The following NSMCE2 variants were observed in gnomAD, a reference collection of about 807,000 sequenced individuals.
NSMCE2 encodes E3 SUMO-protein ligase NSE2.
Under a neutral mutation model 23.8 loss-of-function variants are expected in NSMCE2, and 24 were observed. The ratio of observed to expected loss-of-function variants is 1.01; its 90% confidence interval spans 0.73 to 1.42. The LOEUF is 1.42. NSMCE2 is among the 40% of genes most tolerant of loss of function. NSMCE2 has a pLI of 0.00. For synonymous variants in NSMCE2, 92 were observed against 94.1 expected (o/e 0.98, Z 0.13); for missense variants, 284 against 296.5 (o/e 0.96, Z 0.31).
chr8:125,222,273 A>G (rs1037618647), intron 5 of NSMCE2, among the ~76,000 whole-genome samples: 1 of 152,158 alleles, frequency 6.6e-6, no homozygotes, highest in Non-Finnish European at 1.5e-5. Context: ...ATATATATTT[A>G]TGGAATACAG....
intron 3 of NSMCE2, among the ~76,000 whole-genome samples, chr8:125,131,883 A>G (rs1819790543): frequency 6.6e-6 from 1 of 152,164 alleles, no homozygotes; most frequent in East Asian, 1.9e-4. Flanking sequence ...TGTGTTTACT[A>G]ACTTGAATTG....
chr8:125,241,166 G>C, intron 5 of NSMCE2, among the ~76,000 whole-genome samples: 1 of 152,152 alleles, frequency 6.6e-6, no homozygotes, highest in East Asian at 1.9e-4. Context: ...AAAAAGCTTT[G>C]AATTTTATGG....
intron 5 of NSMCE2, among the ~76,000 whole-genome samples, chr8:125,250,354 T>C: frequency 6.6e-6 from 1 of 152,170 alleles, no homozygotes; most frequent in East Asian, 1.9e-4. Flanking sequence ...CATCCTTTCA[T>C]CCACCCAGAT....
intron 4 of NSMCE2, among the ~76,000 whole-genome samples, chr8:125,153,346 A>G (rs1422249901): frequency 6.6e-6 from 1 of 152,118 alleles, no homozygotes; most frequent in Non-Finnish European, 1.5e-5. Flanking sequence ...AAACATAGTT[A>G]TTTTTCTTTT....
At chr8:125,141,942 G>A (rs1393612266) in intron 3 of NSMCE2, among the ~76,000 whole-genome samples, 1 of 152,118 alleles carries the variant, frequency 6.6e-6, no homozygotes, top group African/African-American at 2.4e-5. Context: ...CTTGGGGGAG[G>A]GGTATGGTGT....
chr8:125,099,602 T>C (rs1563648784), intron 1 of NSMCE2, among the ~76,000 whole-genome samples: 1 of 152,072 alleles, frequency 6.6e-6, no homozygotes, highest in Non-Finnish European at 1.5e-5. Context: ...TGATTAACTG[T>C]GTTGCATACT....
chr8:125,312,833 G>C (rs981579095), intron 5 of NSMCE2, among the ~76,000 whole-genome samples: 4 of 152,050 alleles, frequency 2.6e-5, no homozygotes, highest in African/African-American at 9.7e-5. Flanking sequence ...TAAAGAGTAC[G>C]GGGCCGGTTG....
At chr8:125,126,696 G>A (rs1051628865) in intron 3 of NSMCE2, among the ~76,000 whole-genome samples, 8 of 152,112 alleles carry the variant, frequency 5.3e-5, no homozygotes, top group East Asian at 1.9e-4. Context: ...GAATCAGGTC[G>A]CTAGGTTCAA....
At chr8:125,135,915 A>T (rs1022685297) in intron 3 of NSMCE2, among the ~76,000 whole-genome samples, 2 of 152,002 alleles carry the variant, frequency 1.3e-5, no homozygotes, top group African/African-American at 4.8e-5. Context: ...TGAATTTTAG[A>T]CTTGGCTTGT....
intron 5 of NSMCE2, among the ~76,000 whole-genome samples, chr8:125,195,602 C>T (rs1445990479): frequency 6.6e-6 from 1 of 152,134 alleles, no homozygotes; most frequent in East Asian, 1.9e-4. Flanking sequence ...AGCATTCATT[C>T]ATTCAACAGA....
chr8:125,192,329 G>GT (rs34715537), intron 5 of NSMCE2, among the ~76,000 whole-genome samples: 20,543 of 142,896 alleles, frequency 0.14, 1,627 homozygotes, highest in Non-Finnish European at 0.19. Context: ...TTTTTAAAAG[G>GT]TTTTTTTTTT....
chr8:125,263,712 T>C (rs1381581900), intron 5 of NSMCE2, among the ~76,000 whole-genome samples: 1 of 150,586 alleles, frequency 6.6e-6, no homozygotes, highest in Non-Finnish European at 1.5e-5. Flanking sequence ...ATCATGGCAC[T>C]GCACACCAGC....
chr8:125,359,025 G>A (rs1813408838), intron 7 of NSMCE2, among the ~76,000 whole-genome samples: 1 of 151,996 alleles, frequency 6.6e-6, no homozygotes, highest in African/African-American at 2.4e-5. Flanking sequence ...CCAGCACTTT[G>A]GGAGGCCGAG....
At chr8:125,349,214 G>T (rs1384450156) in intron 5 of NSMCE2, among the ~76,000 whole-genome samples, 1 of 152,184 alleles carries the variant, frequency 6.6e-6, no homozygotes, top group Non-Finnish European at 1.5e-5. Flanking sequence ...AATTGGCACA[G>T]ATACATACTC....
intron 5 of NSMCE2, among the ~76,000 whole-genome samples, chr8:125,290,894 C>G (rs913502887): frequency 1.3e-4 from 20 of 152,274 alleles, no homozygotes; most frequent in African/African-American, 4.6e-4. Flanking sequence ...TTTTCCTCCA[C>G]CAAATTATGT....
At chr8:125,246,743 T>C (rs1825978495) in intron 5 of NSMCE2, among the ~76,000 whole-genome samples, 1 of 152,176 alleles carries the variant, frequency 6.6e-6, no homozygotes, top group South Asian at 2.1e-4. Context: ...ATTATTTTTT[T>C]CCTCATCTTT....
chr8:125,262,058 C>T (rs1826714318), intron 5 of NSMCE2, among the ~76,000 whole-genome samples: 1 of 151,868 alleles, frequency 6.6e-6, no homozygotes, highest in Admixed American at 6.6e-5. Flanking sequence ...GATTGCACCG[C>T]TGCACTCCAG....
intron 7 of NSMCE2, among the ~76,000 whole-genome samples, chr8:125,365,177 G>C (rs988795463): frequency 1.3e-5 from 2 of 152,046 alleles, no homozygotes; most frequent in Non-Finnish European, 1.5e-5. Context: ...AGAGGAAACA[G>C]ATACCAACCA....
chr8:125,357,710 A>G lies in NSMCE2; in HGVS notation c.520-2A>G. ...GAAAGCCCAACATCTCCTTGATTAC[A>G]GGAGGAAATGAAGAAGCCAGTGAAA... is the stretch of plus-strand genomic sequence containing the variant. On this transcript the variant is annotated splice_acceptor_variant, in intron 6 of 7. Coordinates refer to ENST00000287437, the MANE Select transcript of NSMCE2 (RefSeq NM_173685.4). LOFTEE classifies it high-confidence loss of function. The G allele has an allele frequency of 6.2e-7, 1 of 1,605,740 alleles. No individual in the cohort carries two copies. The highest frequency in any genetic ancestry group is 8.5e-7 in the Non-Finnish European group (1 of 1,172,304).
Sources: gnomAD v4.1 joint callset for allele counts (sites outside exome capture counted in the v4.1 genomes callset) on GRCh38, gnomAD v4.1.1 for gene constraint, MANE v1.5 for transcripts, NCBI Gene and HGNC (gene_info 2026-07-23, HGNC 2026-07-21) for gene names.